The following PTPRM variants were observed in gnomAD, a reference collection of about 807,000 sequenced individuals.
PTPRM encodes protein tyrosine phosphatase receptor type M.
Under a neutral mutation model 186.7 loss-of-function variants are expected in PTPRM, and 47 were observed. The ratio of observed to expected loss-of-function variants is 0.25; its 90% CI spans 0.20 to 0.32. The LOEUF (loss-of-function observed/expected upper bound fraction) is 0.32. Among genes scored for constraint, PTPRM ranks in the 10% least tolerant of loss-of-function variants. The pLI, the probability that PTPRM is intolerant of heterozygous loss-of-function variation, is 1.00. For missense variants in PTPRM, 1,494 were observed against 1,865.0 expected (o/e 0.80, Z 3.66); for synonymous variants, 668 against 674.9 (o/e 0.99, Z 0.16).
In PTPRM at chr18:7,807,813, G is replaced by A. The variant is rs149829376; in HGVS notation, c.196+33542G>A. 2.3e-3 allele frequency among the ~76,000 whole-genome samples: 344 copies of A among 152,312 alleles called. 3 individuals carry two copies. The highest frequency in any genetic ancestry group is 3.5e-3 in the Non-Finnish European group (235 of 68,030). ...ACATCTAAGTAATATTTGAATATAT[G>A]CGATTTTTGACTTCATAATAATTGA... On this transcript the variant is annotated intron_variant, in intron 2 of 32. Coordinates refer to ENST00000580170, the MANE Select transcript of PTPRM (RefSeq NM_001105244.2).
intron 19 of PTPRM, among the ~76,000 whole-genome samples, chr18:8,280,161 G>A (rs1007475759): frequency 1.3e-5 from 2 of 152,058 alleles, no homozygotes; most frequent in East Asian, 1.9e-4. Flanking sequence ...TCAAGGTGCC[G>A]GCATGGTTGG....
At chr18:7,863,652 A>G (rs768061629) in intron 2 of PTPRM, among the ~76,000 whole-genome samples, 1 of 152,180 alleles carries the variant, frequency 6.6e-6, no homozygotes. Flanking sequence ...TAGTGCCTCA[A>G]TAAACATACG....
At chr18:7,842,371 AC>A (rs906763842) in intron 2 of PTPRM, among the ~76,000 whole-genome samples, 3 of 152,180 alleles carry the variant, frequency 2.0e-5, no homozygotes, top group African/African-American at 7.2e-5. Flanking sequence ...AACTCAAGCC[AC>A]CCAACTAACC....
intron 2 of PTPRM, among the ~76,000 whole-genome samples, chr18:7,878,904 AAC>A (rs773967597): frequency 3.3e-5 from 5 of 152,232 alleles, no homozygotes; most frequent in Non-Finnish European, 7.3e-5. Flanking sequence ...TGGGAAATTA[AAC>A]AGTCTCTTTA....
chr18:8,097,720 G>A (rs1290480511), intron 11 of PTPRM, among the ~76,000 whole-genome samples: 1 of 152,132 alleles, frequency 6.6e-6, no homozygotes, highest in Non-Finnish European at 1.5e-5. Context: ...GAAACCTGAG[G>A]AGGAGGTAGG....
intron 7 of PTPRM, among the ~76,000 whole-genome samples, chr18:8,025,800 A>G (rs1169654958): frequency 1.3e-5 from 2 of 152,210 alleles, no homozygotes; most frequent in Admixed American, 6.5e-5. Flanking sequence ...AAGAGATAGG[A>G]CTGAGCTTTA....
chr18:7,616,593 G>A (rs780553744), intron 1 of PTPRM, among the ~76,000 whole-genome samples: 5 of 152,136 alleles, frequency 3.3e-5, no homozygotes, highest in South Asian at 2.1e-4. Context: ...AGTGTTGTGC[G>A]GCAGAGACTG....
intron 23 of PTPRM, among the ~76,000 whole-genome samples, chr18:8,344,442 GTGTGTGTA>G (rs1266838364): frequency 5.4e-5 from 2 of 36,778 alleles, no homozygotes; most frequent in Non-Finnish European, 1.5e-4. Flanking sequence ...GTGTGTGTGT[GTGTGTGTA>G]TATATATATA....
At chr18:7,978,486 C>T (rs1387498452) in intron 7 of PTPRM, among the ~76,000 whole-genome samples, 1 of 152,284 alleles carries the variant, frequency 6.6e-6, no homozygotes, top group East Asian at 1.9e-4. Context: ...ATTAAATATG[C>T]CTCGTGGCCC....
At chr18:7,875,327 A>ATT (rs796334079) in intron 2 of PTPRM, among the ~76,000 whole-genome samples, 52 of 143,894 alleles carry the variant, frequency 3.6e-4, no homozygotes, top group Admixed American at 9.0e-4. Flanking sequence ...AACGTGCACC[A>ATT]TTTTTTTTTT....
intron 7 of PTPRM, among the ~76,000 whole-genome samples, chr18:8,020,107 T>C (rs1019598179): frequency 1.3e-5 from 2 of 152,230 alleles, no homozygotes; most frequent in Non-Finnish European, 2.9e-5. Context: ...ACTGTTTGCA[T>C]TAATGCTCCT....
chr18:8,393,017 G>T (rs533219963), intron 31 of PTPRM, among the ~76,000 whole-genome samples: 3 of 152,306 alleles, frequency 2.0e-5, no homozygotes, highest in East Asian at 1.9e-4. Context: ...ATAATTAATT[G>T]TTGCAGACAA....
chr18:8,155,859 T>C (rs2093110899), intron 14 of PTPRM, among the ~76,000 whole-genome samples: 11 of 152,240 alleles, frequency 7.2e-5, no homozygotes, highest in Admixed American at 7.2e-4. Context: ...GGATGCATTA[T>C]TCAAAGTTTT....
At chr18:7,859,627 T>TG (rs1254638923) in intron 2 of PTPRM, among the ~76,000 whole-genome samples, 3 of 152,190 alleles carry the variant, frequency 2.0e-5, no homozygotes, top group Admixed American at 1.3e-4. Flanking sequence ...TCACTCCTGT[T>TG]GGGGAACTCA....
chr18:7,850,283 T>G (rs1052664849), intron 2 of PTPRM, among the ~76,000 whole-genome samples: 1 of 152,240 alleles, frequency 6.6e-6, no homozygotes, highest in African/African-American at 2.4e-5. Flanking sequence ...AATAACAGTC[T>G]AGTAATTCTG....
intron 1 of PTPRM, among the ~76,000 whole-genome samples, chr18:7,637,689 A>G (rs2038351940): frequency 6.6e-6 from 1 of 152,360 alleles, no homozygotes; most frequent in Non-Finnish European, 1.5e-5. Flanking sequence ...TGCACATTGA[A>G]AAATCTCACA....
intron 20 of PTPRM, among the ~76,000 whole-genome samples, chr18:8,297,087 G>A (rs539365116): frequency 3.3e-5 from 5 of 152,218 alleles, no homozygotes; most frequent in South Asian, 4.2e-4. Flanking sequence ...TGAGACACGC[G>A]CTAGATTGAT....
At chr18:8,294,635 G>A (rs1316799515) in intron 19 of PTPRM, among the ~76,000 whole-genome samples, 2 of 152,186 alleles carry the variant, frequency 1.3e-5, no homozygotes, top group African/African-American at 4.8e-5. Context: ...GATGCATAGT[G>A]TGAGTCTGTT....
chr18:8,099,139 T>C (rs185988770), intron 11 of PTPRM, among the ~76,000 whole-genome samples: 16 of 149,616 alleles, frequency 1.1e-4, no homozygotes, highest in African/African-American at 2.9e-4. Context: ...CACAGTCTCT[T>C]TCTCTCTCTC....
Sources: gnomAD v4.1 joint callset for allele counts (sites outside exome capture counted in the v4.1 genomes callset) on GRCh38, gnomAD v4.1.1 for gene constraint, MANE v1.5 for transcripts, NCBI Gene and HGNC (gene_info 2026-07-23, HGNC 2026-07-21) for gene names.